The following RREB1 variants were observed in gnomAD, a reference collection of about 807,000 sequenced individuals.
RREB1 encodes ras responsive element binding protein 1, also known as ras-responsive element-binding protein 1.
RREB1 carries 27 observed loss-of-function variants against 117.8 expected under a neutral mutation model. That is an observed-to-expected ratio of 0.23 (90% CI 0.17 to 0.32). The LOEUF is 0.32. Among genes scored for constraint, RREB1 ranks in the 10% least tolerant of loss-of-function variants. The pLI is 1.00. For synonymous variants in RREB1, 1,298 were observed against 1,026.7 expected (o/e 1.26, Z -5.05); for missense variants, 2,577 against 2,378.2 (o/e 1.08, Z -1.74).
intron 1 of RREB1, among the ~76,000 whole-genome samples, chr6:7,172,859 TG>T (rs1210486593): frequency 6.6e-6 from 1 of 152,226 alleles, no homozygotes; most frequent in Non-Finnish European, 1.5e-5. Flanking sequence ...CCCCGAGCTT[TG>T]CAGGCAGAAC....
chr6:7,128,366 G>GGGGA (rs1330501133), intron 1 of RREB1, among the ~76,000 whole-genome samples: 1 of 152,172 alleles, frequency 6.6e-6, no homozygotes, highest in Non-Finnish European at 1.5e-5. Context: ...GGGACCTGGA[G>GGGGA]GGGAGCTGGG....
intron 1 of RREB1, among the ~76,000 whole-genome samples, chr6:7,129,661 A>G (rs1340177309): frequency 6.6e-6 from 1 of 152,248 alleles, no homozygotes; most frequent in African/African-American, 2.4e-5. Flanking sequence ...GAAAAGCTGA[A>G]TCACATACTT....
At chr6:7,248,088 C>T (rs554834138) in intron 12 of RREB1, among the ~76,000 whole-genome samples, 1 of 152,346 alleles carries the variant, frequency 6.6e-6, no homozygotes, top group African/African-American at 2.4e-5. Flanking sequence ...GGAAAGCCCC[C>T]GCTGCACCAC....
chr6:7,237,675 C>T (rs530866042), intron 10 of RREB1, among the ~76,000 whole-genome samples: 1 of 152,242 alleles, frequency 6.6e-6, no homozygotes, highest in South Asian at 2.1e-4. Context: ...GAATCATTTG[C>T]TACTTTCTAT....
At chr6:7,200,693 T>C (rs1376586635) in intron 6 of RREB1, among the ~76,000 whole-genome samples, 1 of 152,246 alleles carries the variant, frequency 6.6e-6, no homozygotes, top group East Asian at 1.9e-4. Context: ...AGCATAACAA[T>C]CATAAAACTG....
chr6:7,108,565 C>T (rs185566939), intron 1 of RREB1: 2,866 of 152,604 alleles, frequency 0.019, 42 homozygotes, highest in Non-Finnish European at 0.026. Context: ...CAGCGCTGCT[C>T]TCCATCTTCC....
chr6:7,214,443 C>T (rs12530084), intron 8 of RREB1: 35,775 of 152,192 alleles, frequency 0.24, 4,861 homozygotes, highest in South Asian at 0.52. Flanking sequence ...ACACAGGCCA[C>T]CCCTGCCCTG....
At chr6:7,203,925 G>C (rs1042534210) in intron 6 of RREB1, among the ~76,000 whole-genome samples, 4 of 152,166 alleles carry the variant, frequency 2.6e-5, no homozygotes, top group Non-Finnish European at 5.9e-5. Flanking sequence ...GCCTCTGTGG[G>C]CCATATTGCC....
chr6:7,113,794 A>C (rs1304827439), intron 1 of RREB1, among the ~76,000 whole-genome samples: 1 of 152,234 alleles, frequency 6.6e-6, no homozygotes, highest in Non-Finnish European at 1.5e-5. Flanking sequence ...GGTATAAGGA[A>C]ATTTTAAAAA....
intron 8 of RREB1, among the ~76,000 whole-genome samples, chr6:7,225,293 G>C (rs1767520014): frequency 6.6e-6 from 1 of 152,166 alleles, no homozygotes; most frequent in African/African-American, 2.4e-5. Flanking sequence ...AATATCCTGT[G>C]ATCTTGGAAA....
intron 1 of RREB1, among the ~76,000 whole-genome samples, chr6:7,158,265 C>T (rs1763478615): frequency 6.6e-6 from 1 of 152,168 alleles, no homozygotes; most frequent in African/African-American, 2.4e-5. Flanking sequence ...CACCTGCCTC[C>T]CCTTTGAAAG....
At chr6:7,245,194 G>C (rs1390199762) in intron 11 of RREB1, among the ~76,000 whole-genome samples, 1 of 152,080 alleles carries the variant, frequency 6.6e-6, no homozygotes, top group Non-Finnish European at 1.5e-5. Flanking sequence ...TCAGGAGTTC[G>C]AGACCAGCCT....
intron 8 of RREB1, chr6:7,218,745 G>A (rs1767055083): frequency 6.8e-6 from 1 of 146,386 alleles, no homozygotes; most frequent in Admixed American, 7.1e-5. Flanking sequence ...TCCCTCTAGA[G>A]AATGTCCATA....
At chr6:7,173,424 C>T (rs577602947) in intron 1 of RREB1, among the ~76,000 whole-genome samples, 45 of 151,132 alleles carry the variant, frequency 3.0e-4, no homozygotes, top group Non-Finnish European at 6.0e-4. Context: ...ACCCAGGAGG[C>T]GGAGATTGCA....
chr6:7,232,401 A>T lies in RREB1; in HGVS notation c.3808+494A>T, dbSNP rs150594053. Among the ~76,000 whole-genome samples, 653 of 152,282 alleles carry T rather than the reference A, an allele frequency of 4.3e-3. 4 individuals carry two copies. The highest frequency in any genetic ancestry group is 0.015 in the African/African-American group (614 of 41,534). ...TTTTTTTGGATGCCATGTCTTCTTA[A>T]AGAGAAATATGACAAATTGTGAGGT... is the stretch of plus-strand genomic sequence containing the variant. On this transcript the variant is annotated intron_variant, in intron 10 of 12. Coordinates refer to ENST00000379938, the MANE Select transcript of RREB1 (RefSeq NM_001003699.4).
intron 9 of RREB1, among the ~76,000 whole-genome samples, chr6:7,227,326 A>C (rs1767639080): frequency 6.6e-6 from 1 of 151,988 alleles, no homozygotes; most frequent in Non-Finnish European, 1.5e-5. Context: ...TCGGATCATG[A>C]GGTCAGGAGT....
chr6:7,165,867 G>A (rs1454156468), intron 1 of RREB1, among the ~76,000 whole-genome samples: 1 of 152,108 alleles, frequency 6.6e-6, no homozygotes, highest in African/African-American at 2.4e-5. Flanking sequence ...TGTAACATTT[G>A]GGGGGAGTTT....
At chr6:7,175,379 G>C (rs546689512) in intron 1 of RREB1, among the ~76,000 whole-genome samples, 4 of 148,718 alleles carry the variant, frequency 2.7e-5, no homozygotes, top group African/African-American at 4.9e-5. Context: ...GGATGGGGGG[G>C]GTATAATGTC....
chr6:7,112,275 A>C lies in RREB1; in HGVS notation c.-285+4215A>C, dbSNP rs76361694. Among the ~76,000 whole-genome samples the C allele has an allele frequency of 1.7e-3, 266 of 152,350 alleles. 4 individuals carry two copies. In the East Asian group the frequency reaches 0.046, roughly 26 times the overall value. On this transcript the variant is annotated intron_variant, in intron 1 of 12. Transcript: ENST00000379938. ...TTTTTCATTGAGATAAAATGGTTGA[A>C]ATCTAATTGAAGCCATGATGAGTAA...
Sources: gnomAD v4.1 joint callset for allele counts (sites outside exome capture counted in the v4.1 genomes callset) on GRCh38, gnomAD v4.1.1 for gene constraint, MANE v1.5 for transcripts, NCBI Gene and HGNC (gene_info 2026-07-23, HGNC 2026-07-21) for gene names.